FRMD4B: variants seen among roughly 807,000 people sequenced by gnomAD.
The protein encoded by FRMD4B is FERM domain containing 4B, also known as FERM domain-containing protein 4B.
A neutral mutation model predicts 141.5 loss-of-function variants in FRMD4B; 74 were observed. That is an observed-to-expected ratio of 0.52 (90% CI 0.43 to 0.63). FRMD4B has a LOEUF of 0.63. FRMD4B is among the 30% of genes least tolerant of loss of function. The pLI is 0.00. For missense variants in FRMD4B, 1,366 were observed against 1,253.4 expected (o/e 1.09, Z -1.36); for synonymous variants, 506 against 467.9 (o/e 1.08, Z -1.05).
intron 5 of FRMD4B, among the ~76,000 whole-genome samples, chr3:69,258,714 T>C (rs1191003258): frequency 1.3e-5 from 2 of 152,178 alleles, no homozygotes; most frequent in Non-Finnish European, 2.9e-5. Context: ...ACTCTCTGTC[T>C]TATCTACTAG....
At chr3:69,348,967 T>C (rs1011478904) in intron 1 of FRMD4B, among the ~76,000 whole-genome samples, 6 of 152,236 alleles carry the variant, frequency 3.9e-5, no homozygotes, top group African/African-American at 1.4e-4. Context: ...TTGGAAGTTC[T>C]GGCCAGGGCA....
intron 5 of FRMD4B, among the ~76,000 whole-genome samples, chr3:69,256,585 G>C (rs2093494526): frequency 6.6e-6 from 1 of 152,214 alleles, no homozygotes; most frequent in African/African-American, 2.4e-5. Context: ...CTCCCAAAGT[G>C]CTGGGATTAC....
chr3:69,507,159 C>T (rs1378298180), intron 1 of FRMD4B, among the ~76,000 whole-genome samples: 1 of 152,120 alleles, frequency 6.6e-6, no homozygotes, highest in Non-Finnish European at 1.5e-5. Flanking sequence ...CACACACAAG[C>T]AGAATGAACT....
intron 1 of FRMD4B, among the ~76,000 whole-genome samples, chr3:69,523,495 G>A (rs1293496805): frequency 1.1e-4 from 16 of 152,224 alleles, no homozygotes; most frequent in Middle Eastern, 3.4e-3. Flanking sequence ...AGCCCATGCC[G>A]TATGGTTTCA....
At chr3:69,262,545 C>T (rs552216413) in intron 5 of FRMD4B, among the ~76,000 whole-genome samples, 14 of 131,054 alleles carry the variant, frequency 1.1e-4, no homozygotes, top group South Asian at 2.6e-4. Context: ...CACTCATCAT[C>T]GCCTCCCAGG....
intron 7 of FRMD4B, among the ~76,000 whole-genome samples, chr3:69,237,032 C>T (rs907912862): frequency 6.6e-6 from 1 of 152,194 alleles, no homozygotes; most frequent in African/African-American, 2.4e-5. Context: ...GAGGTGAATT[C>T]ATTTGGTCCA....
chr3:69,362,584 G>A (rs532497388), intron 1 of FRMD4B, among the ~76,000 whole-genome samples: 1 of 152,152 alleles, frequency 6.6e-6, no homozygotes, highest in African/African-American at 2.4e-5. Context: ...AGCTGAGGCA[G>A]GAGAATCGCT....
intron 11 of FRMD4B, among the ~76,000 whole-genome samples, chr3:69,208,022 G>A (rs2093040762): frequency 6.6e-6 from 1 of 151,910 alleles, no homozygotes; most frequent in African/African-American, 2.4e-5. Context: ...TGGGATTATG[G>A]GCACCCGCCA....
At chr3:69,366,702 C>A (rs932238905) in intron 1 of FRMD4B, among the ~76,000 whole-genome samples, 11 of 146,336 alleles carry the variant, frequency 7.5e-5, no homozygotes, top group African/African-American at 2.3e-4. Flanking sequence ...CTTAAAAGAG[C>A]ACAAACACGA....
chr3:69,245,709 G>C (rs556352747), intron 7 of FRMD4B, among the ~76,000 whole-genome samples: 142 of 147,652 alleles, frequency 9.6e-4, no homozygotes, highest in African/African-American at 3.5e-3. Flanking sequence ...TGTCATCCAG[G>C]ATGGAGTGCA....
intron 9 of FRMD4B, among the ~76,000 whole-genome samples, chr3:69,220,966 C>CTT (rs113009670): frequency 4.8e-4 from 70 of 145,292 alleles, no homozygotes; most frequent in African/African-American, 1.5e-3. Context: ...AGTGTAGCAA[C>CTT]TTTTTTTTTT....
intron 11 of FRMD4B, among the ~76,000 whole-genome samples, chr3:69,204,272 A>G (rs920802122): frequency 6.6e-6 from 1 of 152,198 alleles, no homozygotes; most frequent in African/African-American, 2.4e-5. Flanking sequence ...TTGGACAAAA[A>G]GGGTCAAACT....
intron 1 of FRMD4B, among the ~76,000 whole-genome samples, chr3:69,348,000 G>A (rs1379712405): frequency 1.3e-5 from 2 of 152,102 alleles, no homozygotes; most frequent in Non-Finnish European, 2.9e-5. Context: ...AACTGAAGGA[G>A]ATAGAGACAC....
chr3:69,186,795 T>C (rs183926946), intron 19 of FRMD4B, among the ~76,000 whole-genome samples: 2 of 152,254 alleles, frequency 1.3e-5, no homozygotes, highest in East Asian at 3.9e-4. Flanking sequence ...CACCTTGGCC[T>C]CCCAAAGTGC....
chr3:69,403,923 G>C (rs1704609362), intron 2 of FRMD4B, among the ~76,000 whole-genome samples: 1 of 151,090 alleles, frequency 6.6e-6, no homozygotes, highest in Admixed American at 6.6e-5. Context: ...TTTAGAGACA[G>C]GGTCTCTCTT....
chr3:69,483,771 C>T (rs1013831343), intron 1 of FRMD4B, among the ~76,000 whole-genome samples: 2 of 152,138 alleles, frequency 1.3e-5, no homozygotes, highest in African/African-American at 4.8e-5. Context: ...TTAAAATCAA[C>T]AGAAATAAAA....
intron 2 of FRMD4B, among the ~76,000 whole-genome samples, chr3:69,430,791 C>T (rs1705166095): frequency 6.6e-6 from 1 of 152,202 alleles, no homozygotes; most frequent in Non-Finnish European, 1.5e-5. Flanking sequence ...TCTCTTAAAC[C>T]TACTTCAAAT....
rs573865880 is a variant in FRMD4B at position 69,171,830 on chromosome 3, G to T, written c.*31C>A. 1.5e-5 allele frequency: 24 copies of T among 1,606,538 alleles called. No individual in the cohort carries two copies. The highest frequency in any genetic ancestry group is 2.0e-5 in the Non-Finnish European group (24 of 1,173,964). On this transcript the variant is annotated 3_prime_UTR_variant, in exon 23 of 23. Coordinates refer to ENST00000398540, the MANE Select transcript of FRMD4B (RefSeq NM_015123.3). The stretch of plus-strand genomic sequence containing the variant: ...TTGCAAGGCACACTAGTGTGAGAAC[G>T]CAGTGCTTGGTCAGGAGGTCCAACT...
intron 1 of FRMD4B, among the ~76,000 whole-genome samples, chr3:69,359,652 C>T (rs887400589): frequency 6.6e-6 from 1 of 152,100 alleles, no homozygotes; most frequent in South Asian, 2.1e-4. Flanking sequence ...GTTTTCTTAA[C>T]CATAAATGGA....
Sources: gnomAD v4.1 joint callset for allele counts (sites outside exome capture counted in the v4.1 genomes callset) on GRCh38, gnomAD v4.1.1 for gene constraint, MANE v1.5 for transcripts, NCBI Gene and HGNC (gene_info 2026-07-23, HGNC 2026-07-21) for gene names.